PCDHGA1: variants seen among roughly 807,000 people sequenced by gnomAD.
The protein encoded by PCDHGA1 is protocadherin gamma subfamily A, 1.
Under a neutral mutation model 58.0 loss-of-function variants are expected in PCDHGA1, and 32 were observed. The observed-to-expected ratio is 0.55, with a 90% CI of 0.42 to 0.74. The LOEUF is 0.74. Ranked by LOEUF, PCDHGA1 falls within the 30% of genes least tolerant of loss-of-function variation. The pLI is 0.00. For synonymous variants in PCDHGA1, 498 were observed against 501.1 expected, an observed-to-expected ratio of 0.99 and a Z score of 0.08; for missense variants, 1,205 against 1,182.3, an observed-to-expected ratio of 1.02 and a Z score of -0.28.
chr5:141,374,464 T>C, intron 1 of PCDHGA1: 1 of 1,613,434 alleles, frequency 6.2e-7, no homozygotes, highest in Non-Finnish European at 8.5e-7. Flanking sequence ...TGGACATTAA[T>C]GACAATACAC....
At position 141,413,874 on chromosome 5, in the gene PCDHGA1, T is replaced by G. The variant is rs1371905896; in HGVS notation, c.2421+80769T>G. ...TCCGATCTGGCACTGTCCTTGTCAG[T>G]GTGACTGTCTTCGATGCAAATGACA... is the stretch of plus-strand genomic sequence containing the variant. On this transcript the variant is annotated intron_variant, in intron 1 of 3. Coordinates refer to ENST00000517417, the MANE Select transcript of PCDHGA1 (RefSeq NM_018912.3). 6 of 1,613,306 alleles carry G rather than the reference T, an allele frequency of 3.7e-6. No homozygotes were observed. In the African/African-American group the frequency reaches 8.0e-5, roughly 22 times the overall value.
chr5:141,362,328 C>T (rs1351863626), intron 1 of PCDHGA1: 5 of 1,614,068 alleles, frequency 3.1e-6, no homozygotes, highest in Non-Finnish European at 4.2e-6. Context: ...AGCCTGGTCT[C>T]AGCTCCAAGC....
At chr5:141,337,839 A>G (rs1445681591) in intron 1 of PCDHGA1, among the ~76,000 whole-genome samples, 1 of 152,240 alleles carries the variant, frequency 6.6e-6, no homozygotes, top group African/African-American at 2.4e-5. Context: ...GAAAATGAAT[A>G]TCAGAAAAAG....
intron 1 of PCDHGA1, chr5:141,383,002 G>C (rs376825891): frequency 1.2e-6 from 2 of 1,613,768 alleles, no homozygotes; most frequent in African/African-American, 1.3e-5. Context: ...TCTCTACTCC[G>C]TGTCGGAGGA....
intron 1 of PCDHGA1, chr5:141,421,290 G>C (rs2096561632): frequency 6.2e-7 from 1 of 1,613,130 alleles, no homozygotes; most frequent in African/African-American, 1.3e-5. Flanking sequence ...GCATTTTCCT[G>C]GGGACGCTGC....
rs183831513 is a variant in PCDHGA1 at position 141,497,605 on chromosome 5, T to A, written c.2480+2740T>A. ...CCCAAGCTGGAGTGCAGTGGTGCGA[T>A]CTTGGCTCACTGCAACCTCTGCCTG... On this transcript the variant is annotated intron_variant, in intron 2 of 3. Coordinates refer to ENST00000517417, the MANE Select transcript of PCDHGA1 (RefSeq NM_018912.3). Among the ~76,000 whole-genome samples, 19 of 151,488 alleles carry A rather than the reference T, an allele frequency of 1.3e-4. No individual in the cohort carries two copies. In the East Asian group the frequency reaches 3.7e-3, roughly 29 times the overall value.
At position 141,403,374 on chromosome 5, in the gene PCDHGA1, A is replaced by G. The variant is rs1448394920; in HGVS notation, c.2421+70269A>G. 3.1e-6 allele frequency: 5 copies of G among 1,613,936 alleles called. No individual in the cohort carries two copies. The African/African-American group carries it at 6.7e-5, about 22-fold the overall frequency. ...TTCCAGGCCGAAAGTCTGGAAGTAA[A>G]AATTAACGAAATCGCGGTTCCTGGA... On this transcript the variant is annotated intron_variant, in intron 1 of 3. Transcript: ENST00000517417.
chr5:141,370,342 AT>A lies in PCDHGA1; in HGVS notation c.2421+37240del, dbSNP rs1766823822. ...TCCTGCTCGGAGAACTCTTGGGATTATTTAAAGATCTCCTCTCCTCGGATTT... is the reference window on the plus strand; with the variant it reads ...TCCTGCTCGGAGAACTCTTGGGATTATTAAAGATCTCCTCTCCTCGGATTT... On this transcript the variant is annotated intron_variant, in intron 1 of 3. Coordinates refer to ENST00000517417, the MANE Select transcript of PCDHGA1 (RefSeq NM_018912.3). 37 of 1,476,030 alleles carry A rather than the reference AT, an allele frequency of 2.5e-5. 2 individuals carry two copies. The South Asian group carries it at 5.1e-4, about 20-fold the overall frequency. The allele number at this position is 1,476,030 out of a possible 1,614,324, so 91.4% of individuals were successfully genotyped here. A position where few individuals can be genotyped will look rare whatever the true frequency, so the allele number is the denominator to read the frequency against.
At position 141,344,221 on chromosome 5, in the gene PCDHGA1, G is replaced by C. The variant is rs764591412; in HGVS notation, c.2421+11116G>C. On this transcript the variant is annotated intron_variant, in intron 1 of 3. Coordinates refer to ENST00000517417, the MANE Select transcript of PCDHGA1 (RefSeq NM_018912.3). ...GAGCCCCGGGAGCTGGCGGAGCGCG[G>C]AGTCCGCATCGTCTCCAGAGGTAGG... The C allele has an allele frequency of 6.2e-6, 10 of 1,614,072 alleles. No individual in the cohort carries two copies. The highest frequency in any genetic ancestry group is 1.7e-4 in the Middle Eastern group (1 of 6,052).
chr5:141,444,152 A>ATTTTTTTTT (rs747671382), intron 1 of PCDHGA1, among the ~76,000 whole-genome samples: 2 of 33,898 alleles, frequency 5.9e-5, no homozygotes, highest in Non-Finnish European at 5.2e-5. Context: ...TGTGTACTGG[A>ATTTTTTTTT]TTTTTTTTTT....
rs1270330726 is a variant in PCDHGA1, at chr5:141,331,677, T to C, written c.993T>C (p.Val331=). The change falls in exon 1 of 4, where the codon GTT becomes GTC. Residue 331 remains valine (V), a synonymous_variant. Coordinates refer to ENST00000517417, the MANE Select transcript of PCDHGA1 (RefSeq NM_018912.3). ...ATGGTGCGGGGCTCATGGCTAAAGT[T>C]AAGGTACTGATCAAAGTTTTGGATG... ...AQDGAGLMAK[V]KVLIKVLDVN... is the part of the protein sequence containing the mutation. 1 of 1,614,018 alleles carries C rather than the reference T, an allele frequency of 6.2e-7. No individual in the cohort carries two copies. The highest frequency in any genetic ancestry group is 8.5e-7 in the Non-Finnish European group (1 of 1,180,010).
intron 1 of PCDHGA1, chr5:141,350,854 C>T: frequency 6.2e-7 from 1 of 1,614,084 alleles, no homozygotes; most frequent in Non-Finnish European, 8.5e-7. Flanking sequence ...AACCTCTAGA[C>T]AGGGAACATC....
chr5:141,449,932 A>T (rs1275797555), intron 1 of PCDHGA1, among the ~76,000 whole-genome samples: 6 of 151,660 alleles, frequency 4.0e-5, no homozygotes, highest in Non-Finnish European at 5.9e-5. Flanking sequence ...CATACCTTAT[A>T]GTATATTTTA....
chr5:141,413,909 T>C, intron 1 of PCDHGA1: 2 of 1,613,316 alleles, frequency 1.2e-6, no homozygotes, highest in Non-Finnish European at 1.7e-6. Context: ...AACGCGCCGG[T>C]CTTCACCTTG....
intron 1 of PCDHGA1, chr5:141,340,132 C>G: frequency 6.2e-7 from 1 of 1,614,150 alleles, no homozygotes; most frequent in Non-Finnish European, 8.5e-7. Flanking sequence ...GTTCACTCCC[C>G]GAGGATCTTC....
At chr5:141,369,314 T>C (rs1414185068) in intron 1 of PCDHGA1, among the ~76,000 whole-genome samples, 1 of 152,134 alleles carries the variant, frequency 6.6e-6, no homozygotes, top group Non-Finnish European at 1.5e-5. Flanking sequence ...TTAGGCTACT[T>C]GAGAAGAAAC....
Position 141,476,214 on chromosome 5 carries a change from T to C in PCDHGA1, c.2422-18593T>C, listed in dbSNP as rs768153063. 1 of 1,613,974 alleles carries C rather than the reference T, an allele frequency of 6.2e-7. No homozygotes were observed. Among genetic ancestry groups the C allele is most frequent in the African/African-American group, 1.3e-5 (1 of 74,990 alleles). ...GCCTTGAACAAGGCTTCCACGGTCA[T>C]TCACTATGAGATCCCGGAGGAAAGA... On this transcript the variant is annotated intron_variant, in intron 1 of 3. Coordinates refer to ENST00000517417, the MANE Select transcript of PCDHGA1 (RefSeq NM_018912.3). The surrounding 1 kb of genome is among the most constrained non-coding windows in gnomAD (Gnocchi z 7.6).
chr5:141,377,273 A>G (rs910126061), intron 1 of PCDHGA1: 1 of 96,864 alleles, frequency 1.0e-5, no homozygotes, highest in African/African-American at 5.8e-5. Flanking sequence ...CTAATGTGGG[A>G]AAAAAAATAA....
chr5:141,385,633 G>A (rs2090306772), intron 1 of PCDHGA1: 9 of 905,286 alleles, frequency 9.9e-6, no homozygotes, highest in Non-Finnish European at 1.3e-5. Flanking sequence ...AATGAATCGA[G>A]TCTTTCATAT....
Sources: gnomAD v4.1 joint callset for allele counts (sites outside exome capture counted in the v4.1 genomes callset) on GRCh38, gnomAD v4.1.1 for gene constraint, Gnocchi (gnomAD v3.1) non-coding constraint, MANE v1.5 for transcripts, NCBI Gene and HGNC (gene_info 2026-07-23, HGNC 2026-07-21) for gene names.